Variants in ARNT observed in about 807,000 individuals in gnomAD.
The protein encoded by ARNT is class E basic helix-loop-helix protein 2.
A neutral mutation model predicts 105.0 loss-of-function variants in ARNT; 30 were observed. The observed-to-expected ratio is 0.29, with a 90% CI of 0.21 to 0.39. ARNT has a LOEUF of 0.39. Ranked by LOEUF, ARNT falls within the 10% of genes least tolerant of loss-of-function variation. The pLI is 1.00. For synonymous variants in ARNT, 304 were observed against 344.0 expected, an observed-to-expected ratio of 0.88 and a Z score of 1.29; for missense variants, 748 against 978.7, an observed-to-expected ratio of 0.76 and a Z score of 3.15.
chr1:150,875,748 C>G (rs897995366), intron 1 of ARNT, among the ~76,000 whole-genome samples: 4 of 152,198 alleles, frequency 2.6e-5, no homozygotes, highest in African/African-American at 9.7e-5. Flanking sequence ...ACAGACCAAA[C>G]CTTTTTGATA....
intron 1 of ARNT, among the ~76,000 whole-genome samples, chr1:150,866,638 TATGG>T (rs1361536772): frequency 6.6e-6 from 1 of 152,176 alleles, no homozygotes. Flanking sequence ...AATATTAATA[TATGG>T]ATGTATAGTT....
At chr1:150,861,651 A>C (rs1398216880) in intron 1 of ARNT, among the ~76,000 whole-genome samples, 1 of 152,212 alleles carries the variant, frequency 6.6e-6, no homozygotes, top group Non-Finnish European at 1.5e-5. Flanking sequence ...CTCTAAAAAA[A>C]ATGAACAAAA....
intron 16 of ARNT, 43 bp from the exon 17 acceptor site, chr1:150,817,245 TG>T: frequency 6.2e-7 from 1 of 1,613,034 alleles, no homozygotes; most frequent in Non-Finnish European, 8.5e-7. Context: ...AGATTTAACA[TG>T]ACAATTCAAT....
At chr1:150,847,395 C>A (rs1209322194) in intron 3 of ARNT, among the ~76,000 whole-genome samples, 2 of 112,764 alleles carry the variant, frequency 1.8e-5, no homozygotes, top group Admixed American at 1.4e-4. Flanking sequence ...CACACCACTG[C>A]ATTTGTGGCA....
intron 1 of ARNT, among the ~76,000 whole-genome samples, chr1:150,876,000 G>A (rs949771805): frequency 6.6e-6 from 1 of 152,202 alleles, no homozygotes; most frequent in African/African-American, 2.4e-5. Flanking sequence ...CGGGGGTTGC[G>A]GGTGGGAGGT....
intron 14 of ARNT, among the ~76,000 whole-genome samples, chr1:150,821,038 G>A (rs758100528): frequency 1.1e-4 from 17 of 152,158 alleles, no homozygotes; most frequent in Admixed American, 2.0e-4. Flanking sequence ...TACGTATTAT[G>A]TACTGTATTC....
At chr1:150,870,819 T>C (rs1667308251) in intron 1 of ARNT, among the ~76,000 whole-genome samples, 1 of 151,830 alleles carries the variant, frequency 6.6e-6, no homozygotes, top group Non-Finnish European at 1.5e-5. Context: ...CTAAGTATAC[T>C]GTTGAATCCA....
At chr1:150,859,487 C>T (rs946609424) in intron 1 of ARNT, among the ~76,000 whole-genome samples, 1 of 151,790 alleles carries the variant, frequency 6.6e-6, no homozygotes, top group African/African-American at 2.4e-5. Flanking sequence ...GCTGGGACTA[C>T]AGATGGGTAC....
At chr1:150,812,137 G>T in intron 21 of ARNT, 27 bp from the exon 22 acceptor site, 1 of 1,521,098 alleles carries the variant, frequency 6.6e-7, no homozygotes. Context: ...ATTAAGTTTG[G>T]GTCACACACC....
chr1:150,810,417 AC>A lies in ARNT; in HGVS notation c.*1603del, dbSNP rs1032297835. 1 of 222,448 alleles carries A rather than the reference AC, an allele frequency of 4.5e-6. No individual in the cohort carries two copies. The highest frequency in any genetic ancestry group is 9.0e-6 in the Non-Finnish European group (1 of 110,958). The allele number at this position is 222,448 out of a possible 1,614,324, so 13.8% of individuals were successfully genotyped here. On this transcript the variant is annotated 3_prime_UTR_variant, in exon 22 of 22. Coordinates refer to ENST00000358595, the MANE Select transcript of ARNT (RefSeq NM_001668.4). ...AATTGTGATATAAATATATATGTAT[AC>A]TGTAAGTGTGCACATAGAATAAAAA...
At chr1:150,846,179 A>G in intron 4 of ARNT, 84 bp downstream of exon 4, 1 of 1,204,656 alleles carries the variant, frequency 8.3e-7, no homozygotes, top group Non-Finnish European at 1.2e-6. Flanking sequence ...ATCCAGAAAA[A>G]ATTAAGTCAA....
chr1:150,844,808 A>G (rs1302358823), intron 4 of ARNT, among the ~76,000 whole-genome samples: 1 of 150,900 alleles, frequency 6.6e-6, no homozygotes, highest in Non-Finnish European at 1.5e-5. Flanking sequence ...CTGTTTCCTT[A>G]CTGTCTTTTT....
intron 1 of ARNT, among the ~76,000 whole-genome samples, chr1:150,860,638 C>T (rs964360880): frequency 6.6e-6 from 1 of 151,820 alleles, no homozygotes; most frequent in Admixed American, 6.6e-5. Flanking sequence ...GGCATATCAC[C>T]TGAGGTCAGC....
chr1:150,836,615 C>T, intron 6 of ARNT, 122 bp from the exon 7 acceptor site: 1 of 950,864 alleles, frequency 1.1e-6, no homozygotes, highest in Non-Finnish European at 1.5e-6. Flanking sequence ...TGCTGGTTCA[C>T]ACCTGATCCA....
chr1:150,814,284 C>T (rs997296263), intron 19 of ARNT, 45 bp from the exon 20 acceptor site: 1 of 1,575,310 alleles, frequency 6.3e-7, no homozygotes. Flanking sequence ...ACAGCATTAA[C>T]ATCATTGCAC....
At chr1:150,861,209 C>G (rs1665567891) in intron 1 of ARNT, 1 of 313,852 alleles carries the variant, frequency 3.2e-6, no homozygotes. Flanking sequence ...GAGATGCCTC[C>G]AAAAATTAAA....
At chr1:150,817,698 A>C (rs587772871) in intron 15 of ARNT, among the ~76,000 whole-genome samples, 1 of 151,558 alleles carries the variant, frequency 6.6e-6, no homozygotes, top group Non-Finnish European at 1.5e-5. Context: ...AATCCCAGCT[A>C]TTTGGGAGGC....
intron 1 of ARNT, among the ~76,000 whole-genome samples, chr1:150,867,729 T>C (rs1557967833): frequency 6.6e-6 from 1 of 152,134 alleles, no homozygotes; most frequent in Non-Finnish European, 1.5e-5. Flanking sequence ...GGGAGGTTAT[T>C]GGATCATAGG....
intron 1 of ARNT, among the ~76,000 whole-genome samples, chr1:150,872,769 C>T (rs1456032241): frequency 1.3e-5 from 2 of 152,072 alleles, no homozygotes; most frequent in East Asian, 1.9e-4. Flanking sequence ...TAAAGACCAG[C>T]CTGGGCAACA....
Sources: allele counts gnomAD v4.1 joint callset (sites outside exome capture counted in the v4.1 genomes callset), GRCh38; gene constraint gnomAD v4.1.1; transcripts MANE v1.5; gene names NCBI Gene and HGNC (gene_info 2026-07-23, HGNC 2026-07-21).